The following OSBPL9 variants were observed in gnomAD, a reference collection of about 807,000 sequenced individuals.
OSBPL9 encodes oxysterol binding protein like 9.
In OSBPL9, 40 loss-of-function variants were observed where a neutral mutation model predicts 106.6. The observed-to-expected ratio is 0.38, with a 90% CI of 0.29 to 0.49. OSBPL9 has a LOEUF of 0.49. Among genes scored for constraint, OSBPL9 ranks in the 20% least tolerant of loss-of-function variants. The pLI, the probability that OSBPL9 is intolerant of heterozygous loss-of-function variation, is 0.97. For missense variants in OSBPL9, 609 were observed against 887.2 expected (o/e 0.69, Z 3.98); for synonymous variants, 269 against 295.4 (o/e 0.91, Z 0.92).
chr1:51,618,425 T>C (rs575069734), intron 1 of OSBPL9, among the ~76,000 whole-genome samples: 7 of 152,164 alleles, frequency 4.6e-5, no homozygotes, highest in African/African-American at 1.4e-4. Context: ...CTCTGAATGG[T>C]GTATAGTTGA....
chr1:51,587,296 C>T (rs910356822), intron 1 of OSBPL9, among the ~76,000 whole-genome samples: 18 of 152,126 alleles, frequency 1.2e-4, no homozygotes, highest in African/African-American at 4.3e-4. Flanking sequence ...ACACAGAAGG[C>T]GGAGGTTGCA....
intron 20 of OSBPL9, chr1:51,785,597 A>C (rs1677415684): frequency 1.8e-6 from 1 of 547,922 alleles, no homozygotes; most frequent in African/African-American, 2.0e-5. Flanking sequence ...GCCCAAACCC[A>C]CCATTCTTGG....
intron 2 of OSBPL9, among the ~76,000 whole-genome samples, chr1:51,599,989 TGGAA>T (rs1364280938): frequency 6.6e-6 from 1 of 152,212 alleles, no homozygotes; most frequent in Non-Finnish European, 1.5e-5. Flanking sequence ...GCAGAATAGA[TGGAA>T]GGACCAGGCT....
the OSBPL9 span, among the ~76,000 whole-genome samples, chr1:51,525,851 G>A: frequency 6.6e-6 from 1 of 152,124 alleles, no homozygotes; most frequent in African/African-American, 2.4e-5. Flanking sequence ...CTGGGCTTAA[G>A]CGATCCTCTT....
At chr1:51,721,520 G>A (rs1465753048) in intron 4 of OSBPL9, among the ~76,000 whole-genome samples, 1 of 152,114 alleles carries the variant, frequency 6.6e-6, no homozygotes, top group African/African-American at 2.4e-5. Context: ...TAGGAGAGTT[G>A]CTGAAAAATG....
Position 51,728,317 on chromosome 1 carries a change from C to G in OSBPL9, c.318+14238C>G, listed in dbSNP as rs115040407. Among the ~76,000 whole-genome samples the G allele has an allele frequency of 4.6e-3, 702 of 152,170 alleles. 6 individuals carry two copies. Among genetic ancestry groups the G allele is most frequent in the African/African-American group, 0.016 (662 of 41,490 alleles). ...TAGTGTTGAGAATGAATTGGAGTAG[C>G]CAGAGTAGATTCAAGAAGACTTTAG... On this transcript the variant is annotated intron_variant, in intron 4 of 23. Transcript: ENST00000428468.
At chr1:51,739,972 A>G (rs1179478674) in intron 4 of OSBPL9, among the ~76,000 whole-genome samples, 1 of 151,824 alleles carries the variant, frequency 6.6e-6, no homozygotes, top group Non-Finnish European at 1.5e-5. Context: ...AAGAAAGGCC[A>G]TTATGTTTGG....
At chr1:51,645,302 A>G (rs1209000682) in intron 1 of OSBPL9, among the ~76,000 whole-genome samples, 2 of 152,162 alleles carry the variant, frequency 1.3e-5, no homozygotes, top group African/African-American at 4.8e-5. Context: ...CTTAGGCAAA[A>G]TATCTACTCA....
intron 3 of OSBPL9, among the ~76,000 whole-genome samples, chr1:51,696,065 A>G (rs965621551): frequency 1.3e-5 from 2 of 152,186 alleles, no homozygotes; most frequent in Admixed American, 6.5e-5. Flanking sequence ...TGTTGATCCA[A>G]TTTGTGTCCC....
chr1:51,591,077 C>T (rs1193799892), intron 1 of OSBPL9, among the ~76,000 whole-genome samples: 4 of 152,106 alleles, frequency 2.6e-5, no homozygotes, highest in Non-Finnish European at 5.9e-5. Flanking sequence ...TGCCACCAAG[C>T]CCAGCTAATT....
chr1:51,685,921 C>T (rs765127743), intron 3 of OSBPL9, among the ~76,000 whole-genome samples: 16 of 152,130 alleles, frequency 1.1e-4, no homozygotes, highest in Non-Finnish European at 1.6e-4. Flanking sequence ...AAATCGAGTT[C>T]AAATAAATAT....
chr1:51,601,509 A>G (rs1302617156), intron 2 of OSBPL9, among the ~76,000 whole-genome samples: 1 of 152,230 alleles, frequency 6.6e-6, no homozygotes, highest in Non-Finnish European at 1.5e-5. Flanking sequence ...CACTTGTCCC[A>G]TCACATCTGG....
At chr1:51,660,860 A>G (rs150136790) in intron 2 of OSBPL9, among the ~76,000 whole-genome samples, 2 of 152,194 alleles carry the variant, frequency 1.3e-5, no homozygotes, top group African/African-American at 2.4e-5. Flanking sequence ...GGTATTTAAT[A>G]AGTTTGTTGA....
intron 1 of OSBPL9, among the ~76,000 whole-genome samples, chr1:51,640,769 A>T (rs1379182681): frequency 2.0e-5 from 3 of 151,886 alleles, no homozygotes; most frequent in East Asian, 3.9e-4. Context: ...GTTCTGAAAG[A>T]TAGGGTGGGA....
At chr1:51,544,837 C>CTTTTTTTTTT in the OSBPL9 span, among the ~76,000 whole-genome samples, 13 of 80,272 alleles carry the variant, frequency 1.6e-4, no homozygotes, top group Non-Finnish European at 2.0e-4. Flanking sequence ...AAGAGACATG[C>CTTTTTTTTTT]TTTTTTTTTT....
chr1:51,654,219 A>G (rs1646688452), intron 2 of OSBPL9, among the ~76,000 whole-genome samples: 1 of 152,178 alleles, frequency 6.6e-6, no homozygotes, highest in Non-Finnish European at 1.5e-5. Flanking sequence ...TTCTTTTAGC[A>G]GGAAGAACAT....
At chr1:51,663,187 A>G (rs575687153) in intron 2 of OSBPL9, among the ~76,000 whole-genome samples, 58 of 152,336 alleles carry the variant, frequency 3.8e-4, no homozygotes, top group African/African-American at 1.3e-3. Flanking sequence ...TACTCAGGAA[A>G]TGATAAAACA....
chr1:51,526,427 G>T, the OSBPL9 span, among the ~76,000 whole-genome samples: 1 of 152,184 alleles, frequency 6.6e-6, no homozygotes, highest in African/African-American at 2.4e-5. Context: ...GAGGCTGAGA[G>T]AAATGTTTCT....
intron 3 of OSBPL9, among the ~76,000 whole-genome samples, chr1:51,701,595 G>A (rs1657256549): frequency 6.6e-6 from 1 of 151,420 alleles, no homozygotes; most frequent in African/African-American, 2.4e-5. Flanking sequence ...ATTTGTATAT[G>A]GTTCTTTTTT....
Sources: gnomAD v4.1 joint callset for allele counts (sites outside exome capture counted in the v4.1 genomes callset) on GRCh38, gnomAD v4.1.1 for gene constraint, MANE v1.5 for transcripts, NCBI Gene and HGNC (gene_info 2026-07-23, HGNC 2026-07-21) for gene names.